Variants in PCDHGA10 observed in about 807,000 individuals in gnomAD.
The protein encoded by PCDHGA10 is protocadherin gamma-A10.
Under a neutral mutation model 59.5 loss-of-function variants are expected in PCDHGA10, and 42 were observed. The observed-to-expected ratio is 0.71, with a 90% CI of 0.55 to 0.91. The LOEUF (loss-of-function observed/expected upper bound fraction) is 0.91, where lower values mean the gene tolerates loss of function less well. Ranked by LOEUF, PCDHGA10 falls within the 40% of genes least tolerant of loss-of-function variation. The pLI is 0.00. For synonymous variants in PCDHGA10, 511 were observed against 517.2 expected (o/e 0.99, Z 0.16); for missense variants, 1,111 against 1,198.2 (o/e 0.93, Z 1.07).
At chr5:141,448,069 T>G (rs1184496754) in intron 1 of PCDHGA10, among the ~76,000 whole-genome samples, 1 of 151,202 alleles carries the variant, frequency 6.6e-6, no homozygotes, top group African/African-American at 2.4e-5. Context: ...CTGGGCAACA[T>G]GAACGAAATG....
chr5:141,449,098 G>A (rs1314761371), intron 1 of PCDHGA10, among the ~76,000 whole-genome samples: 1 of 152,140 alleles, frequency 6.6e-6, no homozygotes, highest in Admixed American at 6.5e-5. Context: ...TTTTACATAT[G>A]CAGTATATCT....
intron 1 of PCDHGA10, among the ~76,000 whole-genome samples, chr5:141,467,087 C>T (rs1159093881): frequency 3.4e-5 from 5 of 147,240 alleles, no homozygotes; most frequent in African/African-American, 1.3e-4. Context: ...AAGTCTCACT[C>T]TGTCACACAG....
At chr5:141,452,951 G>A (rs1397204185) in intron 1 of PCDHGA10, among the ~76,000 whole-genome samples, 1 of 152,154 alleles carries the variant, frequency 6.6e-6, no homozygotes, top group Admixed American at 6.6e-5. Context: ...GCAATTGGTT[G>A]TCTTTAAACT....
chr5:141,453,620 A>G (rs2098770145), intron 1 of PCDHGA10, among the ~76,000 whole-genome samples: 1 of 152,196 alleles, frequency 6.6e-6, no homozygotes. Context: ...CAAAAACAAA[A>G]CCTATACATA....
In PCDHGA10 at chr5:141,485,944, G is replaced by A; in HGVS notation, c.2437-8863G>A. 1.2e-6 allele frequency: 2 copies of A among 1,614,116 alleles called. No homozygotes were observed. The highest frequency in any genetic ancestry group is 1.7e-6 in the Non-Finnish European group (2 of 1,180,020). ...TTAGTGTGTTGGAGAGCGCACCAGC[G>A]GGCATGGTGCTCATCCAGCTCAATG... On this transcript the variant is annotated intron_variant, in intron 1 of 3. Coordinates refer to ENST00000398610, the MANE Select transcript of PCDHGA10 (RefSeq NM_018913.3). This position sits in a 1 kb window ranked among gnomAD's most constrained non-coding sequence, Gnocchi z 5.7.
At chr5:141,455,013 C>T (rs1468289988) in intron 1 of PCDHGA10, among the ~76,000 whole-genome samples, 2 of 151,130 alleles carry the variant, frequency 1.3e-5, no homozygotes, top group African/African-American at 4.9e-5. Context: ...GGGGTTTCAC[C>T]GTGTTAGCCA....
rs2099405848 is a variant in PCDHGA10 at position 141,477,120 on chromosome 5, A to G, written c.2437-17687A>G. 2 of 1,614,118 alleles carry G rather than the reference A, an allele frequency of 1.2e-6. No homozygotes were observed. Among genetic ancestry groups the G allele is most frequent in the African/African-American group, 2.7e-5 (2 of 74,942 alleles). On this transcript the variant is annotated intron_variant, in intron 1 of 3. Transcript: ENST00000398610. This position sits in a 1 kb window ranked among gnomAD's most constrained non-coding sequence, Gnocchi z 4.9. ...AAGGGCGCCAATCCCGAAGGAGCAC[A>G]TTGCAAAGTGTTGGTGGAGGTTGTG...
Position 141,478,507 on chromosome 5 carries a change from T to C in PCDHGA10, c.2437-16300T>C, listed in dbSNP as rs781120326. The C allele has an allele frequency of 4.3e-6, 7 of 1,612,048 alleles. No homozygotes were observed. In the East Asian group the frequency reaches 1.3e-4, roughly 31 times the overall value. On this transcript the variant is annotated intron_variant, in intron 1 of 3. Transcript: ENST00000398610. The stretch of plus-strand genomic sequence containing the variant: ...TGCGGAGCTGTGATCCGGTGTTCTA[T>C]AGGCAGGTGTTGGGTGCAGAGAGCG...
At chr5:141,466,027 CAGG>C (rs1174989171) in intron 1 of PCDHGA10, among the ~76,000 whole-genome samples, 1 of 151,890 alleles carries the variant, frequency 6.6e-6, no homozygotes, top group African/African-American at 2.4e-5. Context: ...GAGGGTGAGG[CAGG>C]AGAACGGCAT....
At position 141,491,070 on chromosome 5, in the gene PCDHGA10, G is replaced by T. The variant is rs1405880268; in HGVS notation, c.2437-3737G>T. On this transcript the variant is annotated intron_variant, in intron 1 of 3. Transcript: ENST00000398610. The surrounding 1 kb of genome is among the most constrained non-coding windows in gnomAD (Gnocchi z 6.9). ...ATGCGTGGCTCTCCTACTCACTGTTGCCACAGTCCACAGCCCCAGGACTGT... is the reference window on the plus strand; with the variant it reads ...ATGCGTGGCTCTCCTACTCACTGTTTCCACAGTCCACAGCCCCAGGACTGT... 6.2e-7 allele frequency: 1 copy of T among 1,614,162 alleles called. No homozygotes were observed. Among genetic ancestry groups the T allele is most frequent in the Non-Finnish European group, 8.5e-7 (1 of 1,180,038 alleles).
intron 1 of PCDHGA10, among the ~76,000 whole-genome samples, chr5:141,443,873 T>A (rs1250320938): frequency 6.6e-6 from 1 of 152,100 alleles, no homozygotes; most frequent in Non-Finnish European, 1.5e-5. Context: ...AAATTACTGA[T>A]AAGTCAAGAG....
intron 1 of PCDHGA10, chr5:141,418,952 G>T: frequency 1.9e-6 from 3 of 1,614,050 alleles, no homozygotes; most frequent in Non-Finnish European, 2.5e-6. Context: ...TCCAGGAGTG[G>T]TTGTTGCCCT....
At chr5:141,419,665 C>T in intron 1 of PCDHGA10, 1 of 1,612,860 alleles carries the variant, frequency 6.2e-7, no homozygotes, top group East Asian at 2.2e-5. Flanking sequence ...GGCACAATGC[C>T]TGGCTGTCCT....
At position 141,493,026 on chromosome 5, in the gene PCDHGA10, C is replaced by G. The variant is rs73280358; in HGVS notation, c.2437-1781C>G. Reference sequence around the variant, plus strand: ...TAGGCTCTGCCAGATGCCAGGGTGCCCTTATGTGTGAGGAAACTACAATAG... The same window carrying G: ...TAGGCTCTGCCAGATGCCAGGGTGCGCTTATGTGTGAGGAAACTACAATAG... On this transcript the variant is annotated intron_variant, in intron 1 of 3. Coordinates refer to ENST00000398610, the MANE Select transcript of PCDHGA10 (RefSeq NM_018913.3). This position sits in a 1 kb window ranked among gnomAD's most constrained non-coding sequence, Gnocchi z 4.3. 0.039 allele frequency among the ~76,000 whole-genome samples: 5,923 copies of G among 152,298 alleles called. 150 individuals are homozygous for G. The highest frequency in any genetic ancestry group is 0.077 in the South Asian group (370 of 4,822).
Position 141,490,345 on chromosome 5 carries a change from G to C in PCDHGA10, c.2437-4462G>C, listed in dbSNP as rs2099698831. On this transcript the variant is annotated intron_variant, in intron 1 of 3. Coordinates refer to ENST00000398610, the MANE Select transcript of PCDHGA10 (RefSeq NM_018913.3). This position sits in a 1 kb window ranked among gnomAD's most constrained non-coding sequence, Gnocchi z 5.4. ...AGAGAGCACACCAGTGGGCACAGTA[G>C]TGGGGTTGTTTAATGTGCGAGACCG... is the stretch of plus-strand genomic sequence containing the variant. 1 of 1,614,216 alleles carries C rather than the reference G, an allele frequency of 6.2e-7. No homozygotes were observed. Among genetic ancestry groups the C allele is most frequent in the Non-Finnish European group, 8.5e-7 (1 of 1,180,034 alleles).
chr5:141,475,739 T>C (rs190533989), intron 1 of PCDHGA10, among the ~76,000 whole-genome samples: 593 of 152,384 alleles, frequency 3.9e-3, no homozygotes, highest in Non-Finnish European at 6.7e-3. Flanking sequence ...TTCCCTAAGG[T>C]AGGTTTCCTA....
At position 141,431,412 on chromosome 5, in the gene PCDHGA10, G is replaced by A. The variant is rs1458036274; in HGVS notation, c.2436+15801G>A. ...CTGGTCCTTACGGCCTCCGACGGGG[G>A]CGACCCGGTGCGCACAGGCACCGCG... On this transcript the variant is annotated intron_variant, in intron 1 of 3. Transcript: ENST00000398610. This position sits in a 1 kb window ranked among gnomAD's most constrained non-coding sequence, Gnocchi z 4.8. 1 of 1,613,596 alleles carries A rather than the reference G, an allele frequency of 6.2e-7. No homozygotes were observed. Among genetic ancestry groups the A allele is most frequent in the Non-Finnish European group, 8.5e-7 (1 of 1,180,058 alleles).
chr5:141,489,275 A>C lies in PCDHGA10; in HGVS notation c.2437-5532A>C. On this transcript the variant is annotated intron_variant, in intron 1 of 3. Transcript: ENST00000398610. This position sits in a 1 kb window ranked among gnomAD's most constrained non-coding sequence, Gnocchi z 4.5. ...AAGACACTCCCACAGCTCGCTGGGA[A>C]ATGGCAAGTGCTGTGCATGTTGTCC... The C allele has an allele frequency of 4.5e-6, 7 of 1,556,298 alleles. No individual in the cohort carries two copies. Among genetic ancestry groups the C allele is most frequent in the Non-Finnish European group, 6.1e-6 (7 of 1,151,600 alleles).
Position 141,485,844 on chromosome 5 carries a change from G to A in PCDHGA10, c.2437-8963G>A, listed in dbSNP as rs201857404. On this transcript the variant is annotated intron_variant, in intron 1 of 3. Transcript: ENST00000398610. The surrounding 1 kb of genome is among the most constrained non-coding windows in gnomAD (Gnocchi z 5.7). ...GATGGAGGGAACCCGCCGAGATCTGGCACCGCAGAGCTCCGGGTATCCGTG... is the reference window on the plus strand; with the variant it reads ...GATGGAGGGAACCCGCCGAGATCTGACACCGCAGAGCTCCGGGTATCCGTG... 6 of 1,613,890 alleles carry A rather than the reference G, an allele frequency of 3.7e-6. No homozygotes were observed. In the East Asian group the frequency reaches 1.1e-4, roughly 30 times the overall value.
Sources: gnomAD v4.1 joint callset for allele counts (sites outside exome capture counted in the v4.1 genomes callset) on GRCh38, gnomAD v4.1.1 for gene constraint, Gnocchi (gnomAD v3.1) non-coding constraint, MANE v1.5 for transcripts, NCBI Gene and HGNC (gene_info 2026-07-23, HGNC 2026-07-21) for gene names.